The following SNCAIP variants were observed in gnomAD, a reference collection of about 807,000 sequenced individuals.
SNCAIP encodes the protein synuclein alpha interacting protein.
A neutral mutation model predicts 86.7 loss-of-function variants in SNCAIP; 43 were observed. The observed-to-expected ratio is 0.50, with a 90% CI of 0.39 to 0.64. SNCAIP has a LOEUF of 0.64. Ranked by LOEUF, SNCAIP falls within the 30% of genes least tolerant of loss-of-function variation. SNCAIP has a pLI of 0.00. For synonymous variants in SNCAIP, 417 were observed against 427.2 expected (o/e 0.98, Z 0.29); for missense variants, 981 against 1,103.1 (o/e 0.89, Z 1.57).
chr5:122,429,954 T>C (rs1778088503), intron 5 of SNCAIP, among the ~76,000 whole-genome samples: 1 of 152,142 alleles, frequency 6.6e-6, no homozygotes, highest in Admixed American at 6.6e-5. Flanking sequence ...CAAACTCACT[T>C]TCCTTTCCTG....
intron 1 of SNCAIP, among the ~76,000 whole-genome samples, chr5:122,380,208 C>T (rs1220839445): frequency 6.6e-6 from 1 of 152,190 alleles, no homozygotes; most frequent in Non-Finnish European, 1.5e-5. Context: ...ATTATTGCCA[C>T]AATTTCAGCT....
rs1787096200 is a variant in SNCAIP, at chr5:122,464,161, G to T, written c.*665G>T. 2 of 152,200 alleles carry T rather than the reference G, an allele frequency of 1.3e-5. No individual in the cohort carries two copies. Among genetic ancestry groups the T allele is most frequent in the African/African-American group, 4.8e-5 (2 of 41,450 alleles). The allele number at this position is 152,200 out of a possible 1,614,324, so 9.4% of individuals were successfully genotyped here. A position where few individuals can be genotyped will look rare whatever the true frequency, so the allele number is the denominator to read the frequency against. On this transcript the variant is annotated 3_prime_UTR_variant, in exon 11 of 11. Transcript: ENST00000261368. ...TGATATTTGATTTCAGGAACAAACT[G>T]CTCAGTTTAGCAGTTTTCCCATAGG...
intron 3 of SNCAIP, among the ~76,000 whole-genome samples, chr5:122,415,463 A>T (rs554339672): frequency 6.6e-6 from 1 of 152,362 alleles, no homozygotes; most frequent in South Asian, 2.1e-4. Flanking sequence ...TACCCTAAAG[A>T]CATACCCCAT....
intron 1 of SNCAIP, among the ~76,000 whole-genome samples, chr5:122,351,733 G>A (rs978505885): frequency 3.3e-5 from 5 of 152,036 alleles, no homozygotes; most frequent in African/African-American, 7.2e-5. Flanking sequence ...GGACCCAGCT[G>A]TAACTTGGAT....
At chr5:122,356,618 T>C (rs1049507609) in intron 1 of SNCAIP, among the ~76,000 whole-genome samples, 1 of 152,182 alleles carries the variant, frequency 6.6e-6, no homozygotes, top group Non-Finnish European at 1.5e-5. Flanking sequence ...GCACCTTCTT[T>C]CTCTTGGTTC....
rs1283501805 is a variant in SNCAIP, at chr5:122,457,566, TTCTG to T, written c.2755-5919_2755-5916del. Among the ~76,000 whole-genome samples the T allele has an allele frequency of 2.6e-5, 4 of 152,200 alleles. No individual in the cohort carries two copies. The East Asian group carries it at 7.7e-4, about 29-fold the overall frequency. On this transcript the variant is annotated intron_variant, in intron 10 of 10. Transcript: ENST00000261368. ...CTCCCCACCAATGCTTCCCCAAGTGTTCTGTCTGTGTCCCCACCCAACCCCGCCA... is the reference window on the plus strand; with the variant it reads ...CTCCCCACCAATGCTTCCCCAAGTGTTCTGTGTCCCCACCCAACCCCGCCA...
In SNCAIP at chr5:122,463,517, A is replaced by C. The variant is rs371880725; in HGVS notation, c.*21A>C. 33 of 1,608,146 alleles carry C rather than the reference A, an allele frequency of 2.1e-5. No homozygotes were observed. Among genetic ancestry groups the C allele is most frequent in the Non-Finnish European group, 2.5e-5 (29 of 1,175,384 alleles). On this transcript the variant is annotated 3_prime_UTR_variant, in exon 11 of 11. Transcript: ENST00000261368. Reference sequence around the variant, plus strand: ...CATAATGACATCAATAGAAAAATGAAGAAATCCTACAGCATAAAGCACATT... The same window carrying C: ...CATAATGACATCAATAGAAAAATGACGAAATCCTACAGCATAAAGCACATT...
chr5:122,344,536 G>C (rs374218749), intron 1 of SNCAIP, among the ~76,000 whole-genome samples: 2 of 152,138 alleles, frequency 1.3e-5, no homozygotes, highest in African/African-American at 2.4e-5. Flanking sequence ...AAGGAAATGA[G>C]GAGAGAAAGC....
At chr5:122,419,696 G>A (rs1449026687) in intron 3 of SNCAIP, among the ~76,000 whole-genome samples, 1 of 152,116 alleles carries the variant, frequency 6.6e-6, no homozygotes, top group Non-Finnish European at 1.5e-5. Context: ...TTGCTGACAT[G>A]TAAAGAATTT....
At chr5:122,388,553 C>A (rs1308086307) in intron 1 of SNCAIP, 1 of 152,178 alleles carries the variant, frequency 6.6e-6, no homozygotes, top group Non-Finnish European at 1.5e-5. Context: ...CCTATCTTGT[C>A]ACTGATTCCT....
chr5:122,365,421 G>C (rs2152777322), intron 1 of SNCAIP, among the ~76,000 whole-genome samples: 1 of 152,326 alleles, frequency 6.6e-6, no homozygotes, highest in South Asian at 2.1e-4. Context: ...GCTCACACCT[G>C]TAATCCCACC....
At chr5:122,452,833 C>A (rs759559943) in intron 10 of SNCAIP, 13 of 794,218 alleles carry the variant, frequency 1.6e-5, no homozygotes, top group Non-Finnish European at 2.6e-5. Flanking sequence ...TCTAATCTAT[C>A]TATCTTCCTG....
intron 3 of SNCAIP, among the ~76,000 whole-genome samples, chr5:122,415,610 G>GCTGT (rs1775142562): frequency 6.6e-6 from 1 of 152,206 alleles, no homozygotes; most frequent in Admixed American, 6.5e-5. Flanking sequence ...TTCAGCCTGT[G>GCTGT]CTGTCAGCCT....
At chr5:122,426,236 TAAA>T (rs1344651896) in intron 5 of SNCAIP, among the ~76,000 whole-genome samples, 1 of 152,234 alleles carries the variant, frequency 6.6e-6, no homozygotes, top group African/African-American at 2.4e-5. Context: ...TCATATTTAT[TAAA>T]AAGCCAGAAG....
intron 1 of SNCAIP, among the ~76,000 whole-genome samples, chr5:122,331,767 T>G (rs1755391581): frequency 6.6e-6 from 1 of 152,218 alleles, no homozygotes; most frequent in Non-Finnish European, 1.5e-5. Context: ...GTAACTTCAC[T>G]TTGCATTATT....
At chr5:122,347,785 G>C (rs1478637205) in intron 1 of SNCAIP, among the ~76,000 whole-genome samples, 1 of 151,986 alleles carries the variant, frequency 6.6e-6, no homozygotes, top group Non-Finnish European at 1.5e-5. Context: ...ATAAAAAGAA[G>C]TATATTGTTT....
Position 122,463,513 on chromosome 5 carries a change from A to C in SNCAIP, c.*17A>C, listed in dbSNP as rs368390768. Reference sequence around the variant, plus strand: ...TAGGCATAATGACATCAATAGAAAAATGAAGAAATCCTACAGCATAAAGCA... The same window carrying C: ...TAGGCATAATGACATCAATAGAAAACTGAAGAAATCCTACAGCATAAAGCA... On this transcript the variant is annotated 3_prime_UTR_variant, in exon 11 of 11. Coordinates refer to ENST00000261368, the MANE Select transcript of SNCAIP (RefSeq NM_005460.4). 1.2e-6 allele frequency: 2 copies of C among 1,607,260 alleles called. No individual in the cohort carries two copies. Among genetic ancestry groups the C allele is most frequent in the Non-Finnish European group, 1.7e-6 (2 of 1,174,568 alleles).
intron 1 of SNCAIP, among the ~76,000 whole-genome samples, chr5:122,358,201 GTGTA>G (rs1276446448): frequency 0.015 from 1,906 of 128,510 alleles, 30 homozygotes; most frequent in Admixed American, 0.031. Context: ...GTGTGTGTGT[GTGTA>G]TATATATATA....
At chr5:122,347,369 G>A (rs1205887933) in intron 1 of SNCAIP, among the ~76,000 whole-genome samples, 1 of 151,154 alleles carries the variant, frequency 6.6e-6, no homozygotes, top group African/African-American at 2.4e-5. Flanking sequence ...ACCGGTTGTA[G>A]GAGTGCTTTA....
Sources: allele counts gnomAD v4.1 joint callset (sites outside exome capture counted in the v4.1 genomes callset), GRCh38; gene constraint gnomAD v4.1.1; transcripts MANE v1.5; gene names NCBI Gene and HGNC (gene_info 2026-07-23, HGNC 2026-07-21).